Variants in CACNB4 observed in about 807,000 individuals in gnomAD.
CACNB4 encodes voltage-dependent L-type calcium channel subunit beta-4.
In CACNB4, 32 loss-of-function variants were observed where a neutral mutation model predicts 71.2. The ratio of observed to expected loss-of-function variants is 0.45; its 90% CI spans 0.34 to 0.60. CACNB4 has a LOEUF of 0.60. CACNB4 is among the 20% of genes least tolerant of loss of function. CACNB4 has a pLI of 0.01. For synonymous variants in CACNB4, 231 were observed against 236.9 expected (o/e 0.97, Z 0.23); for missense variants, 464 against 647.9 (o/e 0.72, Z 3.08).
In CACNB4 at chr2:152,098,615, G is replaced by T; in HGVS notation, c.64-202C>A. On this transcript the variant is annotated intron_variant, in intron 1 of 13. Coordinates refer to ENST00000539935, the MANE Select transcript of CACNB4 (RefSeq NM_000726.5). This position sits in a 1 kb window ranked among gnomAD's most constrained non-coding sequence, Gnocchi z 5.3. Reference sequence around the variant, plus strand: ...AGCCTCGACTGCTGAAAAGATGCTCGAGAAGAGCAGCCCGCAAGCACCCAC... The same window carrying T: ...AGCCTCGACTGCTGAAAAGATGCTCTAGAAGAGCAGCCCGCAAGCACCCAC... 2 of 1,442,536 alleles carry T rather than the reference G, an allele frequency of 1.4e-6. No homozygotes were observed. Among genetic ancestry groups the T allele is most frequent in the African/African-American group, 1.4e-5 (1 of 70,530 alleles). The allele number at this position is 1,442,536 out of a possible 1,614,324, so 89.4% of individuals were successfully genotyped here. A position where few individuals can be genotyped will look rare whatever the true frequency, so the allele number is the denominator to read the frequency against.
chr2:152,058,763 A>G (rs1457757023), intron 2 of CACNB4, among the ~76,000 whole-genome samples: 1 of 152,224 alleles, frequency 6.6e-6, no homozygotes, highest in Non-Finnish European at 1.5e-5. Flanking sequence ...TGTTAATATC[A>G]ACAGAATGTG....
At chr2:151,961,434 G>A (rs1454715660) in intron 2 of CACNB4, among the ~76,000 whole-genome samples, 1 of 152,202 alleles carries the variant, frequency 6.6e-6, no homozygotes, top group Non-Finnish European at 1.5e-5. Context: ...TTTTGTTGAA[G>A]TGCTGAAGGT....
At chr2:151,979,493 C>A (rs1462546504) in intron 2 of CACNB4, among the ~76,000 whole-genome samples, 1 of 151,204 alleles carries the variant, frequency 6.6e-6, no homozygotes, top group African/African-American at 2.4e-5. Flanking sequence ...TCTTAGAAAA[C>A]ACATTCCATA....
At chr2:152,054,181 C>A (rs1453318665) in intron 2 of CACNB4, among the ~76,000 whole-genome samples, 1 of 151,646 alleles carries the variant, frequency 6.6e-6, no homozygotes, top group East Asian at 2.0e-4. Context: ...TCCTGGCTAA[C>A]GCGGTGAAAC....
At chr2:151,941,170 A>G (rs1355747299) in intron 2 of CACNB4, among the ~76,000 whole-genome samples, 1 of 152,150 alleles carries the variant, frequency 6.6e-6, no homozygotes, top group Non-Finnish European at 1.5e-5. Context: ...AGGAACCATC[A>G]GGTAATTGTT....
chr2:151,953,716 T>C (rs1013653115), intron 2 of CACNB4, among the ~76,000 whole-genome samples: 1 of 152,198 alleles, frequency 6.6e-6, no homozygotes, highest in Admixed American at 6.5e-5. Context: ...TCCTCCTGAT[T>C]TCACTCTAAG....
At chr2:152,083,159 T>C (rs983775606) in intron 2 of CACNB4, among the ~76,000 whole-genome samples, 3 of 152,022 alleles carry the variant, frequency 2.0e-5, no homozygotes, top group African/African-American at 7.3e-5. Flanking sequence ...CTGGCCATAG[T>C]GTTGGTTTAT....
In CACNB4 at chr2:151,880,885, C is replaced by A; in HGVS notation, c.305G>T (p.Ser102Ile). 1 of 1,613,484 alleles carries A rather than the reference C, an allele frequency of 6.2e-7. No individual in the cohort carries two copies. Residue 102 changes from serine to isoleucine, a missense_variant, in exon 4 of 14, where the codon AGC (serine) becomes ATC (isoleucine). By Grantham distance (142) the Ser-to-Ile change is moderately radical. Transcript: ENST00000539935. ...ATCCTCGTCCAGGGCGCCGCAGTAGCTCACATTTGTCTTCACGGCAAATGC... is the reference window on the plus strand; with the variant it reads ...ATCCTCGTCCAGGGCGCCGCAGTAGATCACATTTGTCTTCACGGCAAATGC... The part of the protein sequence containing the change: ...PVAFAVKTNV[S>I]YCGALDEDVP...
intron 2 of CACNB4, among the ~76,000 whole-genome samples, chr2:151,923,243 C>G (rs113820276): frequency 6.7e-4 from 102 of 152,340 alleles, no homozygotes; most frequent in African/African-American, 2.2e-3. Context: ...TGCTTCTATT[C>G]TGAAACTGGG....
intron 2 of CACNB4, among the ~76,000 whole-genome samples, chr2:151,959,858 G>A (rs2099869207): frequency 2.0e-5 from 3 of 152,076 alleles, no homozygotes; most frequent in Admixed American, 1.3e-4. Context: ...AATTTGCATA[G>A]TTCTTTATAT....
intron 2 of CACNB4, among the ~76,000 whole-genome samples, chr2:152,028,570 T>C (rs1358392024): frequency 6.6e-6 from 1 of 152,208 alleles, no homozygotes; most frequent in Non-Finnish European, 1.5e-5. Context: ...AACCATATCA[T>C]TTAAATTTGT....
chr2:152,014,359 A>G (rs970696265), intron 2 of CACNB4, among the ~76,000 whole-genome samples: 5 of 151,304 alleles, frequency 3.3e-5, no homozygotes, highest in Admixed American at 1.3e-4. Flanking sequence ...AAACAAAAAC[A>G]AAAGAGTCAT....
chr2:152,039,322 C>T (rs1055940809), intron 2 of CACNB4, among the ~76,000 whole-genome samples: 2 of 151,082 alleles, frequency 1.3e-5, no homozygotes, highest in South Asian at 4.2e-4. Context: ...GAGGCTGAGG[C>T]AGAGAACTGC....
At position 151,845,670 on chromosome 2, in the gene CACNB4, G is replaced by A. The variant is rs149338601; in HGVS notation, c.1117-3582C>T. Among the ~76,000 whole-genome samples, 284 of 152,316 alleles carry A rather than the reference G, an allele frequency of 1.9e-3. 3 individuals are homozygous for A. Among genetic ancestry groups the A allele is most frequent in the East Asian group, 2.9e-3 (15 of 5,176 alleles). On this transcript the variant is annotated intron_variant, in intron 12 of 13. Transcript: ENST00000539935. Reference sequence around the variant, plus strand: ...CTAATCAGCAGAAGTCCCGGGCAGCGAACAGTTACCCACTCGGTGATACCA... The same window carrying A: ...CTAATCAGCAGAAGTCCCGGGCAGCAAACAGTTACCCACTCGGTGATACCA...
intron 2 of CACNB4, among the ~76,000 whole-genome samples, chr2:152,035,873 C>T (rs546497868): frequency 6.6e-6 from 1 of 152,184 alleles, no homozygotes; most frequent in East Asian, 1.9e-4. Context: ...TAAATGTGCA[C>T]ACTGTGTTCA....
chr2:151,957,258 G>A (rs906863330), intron 2 of CACNB4, among the ~76,000 whole-genome samples: 2 of 6,436 alleles, frequency 3.1e-4, no homozygotes, highest in African/African-American at 8.5e-4. Context: ...GTGGCTGGGC[G>A]TGTGTGTGTG....
At chr2:151,972,545 A>G (rs1460300619) in intron 2 of CACNB4, 1 of 152,244 alleles carries the variant, frequency 6.6e-6, no homozygotes, top group African/African-American at 2.4e-5. Context: ...ACACGCAGAG[A>G]GACTTTGCGG....
intron 2 of CACNB4, among the ~76,000 whole-genome samples, chr2:151,934,260 A>T (rs1387872336): frequency 6.6e-6 from 1 of 152,228 alleles, no homozygotes; most frequent in Admixed American, 6.5e-5. Context: ...AAATGTAAAA[A>T]TGTCCAAGGA....
At chr2:151,967,928 AGTTAT>A (rs2099871581) in intron 2 of CACNB4, 1 of 152,250 alleles carries the variant, frequency 6.6e-6, no homozygotes, top group African/African-American at 2.4e-5. Context: ...AAAACTATAT[AGTTAT>A]GTTATAAAAG....
Sources: gnomAD v4.1 joint callset for allele counts (sites outside exome capture counted in the v4.1 genomes callset) on GRCh38, gnomAD v4.1.1 for gene constraint, Gnocchi (gnomAD v3.1) non-coding constraint, MANE v1.5 for transcripts, NCBI Gene and HGNC (gene_info 2026-07-23, HGNC 2026-07-21) for gene names.